The following CXCL12 variants were observed in gnomAD, a reference collection of about 807,000 sequenced individuals.
CXCL12 encodes C-X-C motif chemokine ligand 12.
A neutral mutation model predicts 10.7 loss-of-function variants in CXCL12; 4 were observed. That is an observed-to-expected ratio of 0.37 (90% CI 0.18 to 0.86). The LOEUF is 0.86. CXCL12 is among the 40% of genes least tolerant of loss of function. CXCL12 has a pLI of 0.43. For missense variants in CXCL12, 122 were observed against 110.4 expected (o/e 1.10, Z -0.47); for synonymous variants, 54 against 45.4 (o/e 1.19, Z -0.77).
In CXCL12 at chr10:44,378,504, C is replaced by A; in HGVS notation, c.*129G>T. ...TCAGGCCCGATCCCAGATCAATGTG[C>A]CCACCCCACACACACACCTGGTCCT... On this transcript the variant is annotated 3_prime_UTR_variant, in exon 3 of 3. Transcript: ENST00000343575. 6.5e-7 allele frequency: 1 copy of A among 1,547,562 alleles called. No individual in the cohort carries two copies. The highest frequency in any genetic ancestry group is 1.2e-5 in the South Asian group (1 of 82,384).
downstream of CXCL12, chr10:44,371,386 A>G (rs778911448): frequency 6.2e-5 from 29 of 470,832 alleles, no homozygotes; most frequent in East Asian, 8.3e-4. Flanking sequence ...AGATTTTAAA[A>G]TATCTTGGAT....
rs752353963 is a variant in CXCL12, at chr10:44,378,290, G to A, written c.*343C>T. On this transcript the variant is annotated 3_prime_UTR_variant, in exon 3 of 3. Transcript: ENST00000343575. ...ACTCGTTGATTTAAAAAATGAGAATGAGAATGATGATGATTGTGATGATCA... is the reference window on the plus strand; with the variant it reads ...ACTCGTTGATTTAAAAAATGAGAATAAGAATGATGATGATTGTGATGATCA... 1 of 1,471,102 alleles carries A rather than the reference G, an allele frequency of 6.8e-7. No individual in the cohort carries two copies. Among genetic ancestry groups the A allele is most frequent in the Non-Finnish European group, 9.1e-7 (1 of 1,099,802 alleles). The allele number at this position is 1,471,102 out of a possible 1,614,324, so 91.1% of individuals were successfully genotyped here. A position where few individuals can be genotyped will look rare whatever the true frequency, so the allele number is the denominator to read the frequency against.
chr10:44,383,723 C>T (rs953854740), intron 1 of CXCL12, among the ~76,000 whole-genome samples: 16 of 152,040 alleles, frequency 1.1e-4, no homozygotes, highest in African/African-American at 3.6e-4. Flanking sequence ...CCGCCACGAC[C>T]CCAGGCTGCC....
intron 1 of CXCL12, among the ~76,000 whole-genome samples, chr10:44,382,505 AAC>A (rs1377813394): frequency 6.6e-6 from 1 of 152,186 alleles, no homozygotes; most frequent in Non-Finnish European, 1.5e-5. Flanking sequence ...CCCTCCCGGC[AAC>A]AGTGAGCTTG....
chr10:44,371,056 C>A (rs866260355), downstream of CXCL12: 1 of 213,424 alleles, frequency 4.7e-6, no homozygotes, highest in Non-Finnish European at 9.5e-6. Flanking sequence ...CTCGTGGACG[C>A]ACTTGACTAG....
downstream of CXCL12, chr10:44,374,215 C>T (rs768474948): frequency 5.8e-6 from 2 of 345,868 alleles, no homozygotes; most frequent in Non-Finnish European, 1.2e-5. Flanking sequence ...CTTAGCTGGG[C>T]CCTCTGTCCC....
At chr10:44,375,740 C>T, downstream of CXCL12, 1 of 1,068,618 alleles carries the variant, frequency 9.4e-7, no homozygotes, top group Non-Finnish European at 1.3e-6. Context: ...TTCTTCATAA[C>T]TTAGCAGACC....
chr10:44,377,598 T>C lies in CXCL12; in HGVS notation c.*1035A>G, dbSNP rs1839493701. On this transcript the variant is annotated 3_prime_UTR_variant, in exon 3 of 3. Coordinates refer to ENST00000343575, the MANE Select transcript of CXCL12 (RefSeq NM_199168.4). Reference sequence around the variant, plus strand: ...TATTCACTGATTTTTTCGCTTCTGATTTCGGAAACCTCAGAGTTTGTTAGT... The same window carrying C: ...TATTCACTGATTTTTTCGCTTCTGACTTCGGAAACCTCAGAGTTTGTTAGT... The C allele has an allele frequency of 3.3e-6, 5 of 1,493,238 alleles. No homozygotes were observed. In the African/African-American group the frequency reaches 7.0e-5, roughly 21 times the overall value. 92.5% of individuals were successfully genotyped at this position (1,493,238 alleles called of 1,614,324 possible).
At chr10:44,372,084 G>C (rs1839329480), downstream of CXCL12, 1 of 152,274 alleles carries the variant, frequency 6.6e-6, no homozygotes, top group Non-Finnish European at 1.5e-5. Flanking sequence ...ATTGCCAAAT[G>C]GTGAAGAAGA....
In CXCL12 at chr10:44,377,907, T is replaced by C; in HGVS notation, c.*726A>G. On this transcript the variant is annotated 3_prime_UTR_variant, in exon 3 of 3. Coordinates refer to ENST00000343575, the MANE Select transcript of CXCL12 (RefSeq NM_199168.4). The stretch of plus-strand genomic sequence containing the variant: ...CCGGCTGGTGCGGCGCTGATCAGGC[T>C]ACAGAAATGAGAAGCAGAAGCAAGA... The C allele has an allele frequency of 6.4e-7, 1 of 1,557,210 alleles. No individual in the cohort carries two copies. The highest frequency in any genetic ancestry group is 1.2e-5 in the South Asian group (1 of 85,600).
At chr10:44,375,554 T>C (rs1178056452), downstream of CXCL12, among the ~76,000 whole-genome samples, 1 of 152,164 alleles carries the variant, frequency 6.6e-6, no homozygotes, top group Admixed American at 6.5e-5. Context: ...AGACTGCAAG[T>C]GTGTGGAGCT....
intron 1 of CXCL12, among the ~76,000 whole-genome samples, chr10:44,382,988 G>C (rs1301236987): frequency 6.6e-6 from 1 of 152,180 alleles, no homozygotes; most frequent in African/African-American, 2.4e-5. Flanking sequence ...CTTGGCTCCA[G>C]GAGTTTTCAG....
chr10:44,372,853 C>T, downstream of CXCL12: 1 of 1,520,338 alleles, frequency 6.6e-7, no homozygotes, highest in Non-Finnish European at 8.8e-7. Flanking sequence ...CCCATGTGGC[C>T]CTCCACCATC....
chr10:44,374,688 T>C (rs1422211255), downstream of CXCL12: 8 of 455,898 alleles, frequency 1.8e-5, no homozygotes, highest in African/African-American at 1.2e-4. Flanking sequence ...GGACAGGGTG[T>C]GTCTGACATG....
Position 44,378,348 on chromosome 10 carries a change from T to C in CXCL12, c.*285A>G. ...ACTAACTGCTTGAAAATGCTGTTGA[T>C]AATACAATTTCTTTCTTAGAAAAAC... On this transcript the variant is annotated 3_prime_UTR_variant, in exon 3 of 3. Coordinates refer to ENST00000343575, the MANE Select transcript of CXCL12 (RefSeq NM_199168.4). 1 of 1,502,968 alleles carries C rather than the reference T, an allele frequency of 6.7e-7. No individual in the cohort carries two copies. The highest frequency in any genetic ancestry group is 8.9e-7 in the Non-Finnish European group (1 of 1,119,924). 93.1% of individuals were successfully genotyped at this position (1,502,968 alleles called of 1,614,324 possible). A position where few individuals can be genotyped will look rare whatever the true frequency, so the allele number is the denominator to read the frequency against.
chr10:44,370,793 G>A (rs1839295982), exon 4 of CXCL12: 1 of 152,298 alleles, frequency 6.6e-6, no homozygotes, highest in Non-Finnish European at 1.5e-5. Flanking sequence ...CTAATAACAA[G>A]CAGAGTGCCC....
Position 44,384,926 on chromosome 10 carries a change from CCCCGCCGAGCGCA to C in CXCL12, c.61+6_61+18del. On this transcript the variant is annotated splice_donor_region_variant and intron_variant, in intron 1 of 2. Transcript: ENST00000343575. The stretch of plus-strand genomic sequence containing the variant: ...GAAGCCCAGAGCCTCGCCAGGGCCT[CCCCGCCGAGCGCA>C]CTTACCGTCGCTGAGGCAGAGCGCG... 6.5e-7 allele frequency: 1 copy of C among 1,545,838 alleles called. No homozygotes were observed. The highest frequency in any genetic ancestry group is 1.8e-5 in the Admixed American group (1 of 54,528).
downstream of CXCL12, chr10:44,374,721 C>T (rs1839408004): frequency 2.2e-6 from 1 of 454,648 alleles, no homozygotes; most frequent in Non-Finnish European, 4.4e-6. Context: ...TGGGTTTTCT[C>T]CTGAATTCCA....
At chr10:44,382,692 C>A (rs149407406) in intron 1 of CXCL12, among the ~76,000 whole-genome samples, 2 of 152,206 alleles carry the variant, frequency 1.3e-5, no homozygotes, top group African/African-American at 4.8e-5. Flanking sequence ...CTCCTCTCCC[C>A]CTCCACCCCC....
Sources: gnomAD v4.1 joint callset for allele counts (sites outside exome capture counted in the v4.1 genomes callset) on GRCh38, gnomAD v4.1.1 for gene constraint, MANE v1.5 for transcripts, NCBI Gene and HGNC (gene_info 2026-07-23, HGNC 2026-07-21) for gene names.